NTRK3: variants seen among roughly 807,000 people sequenced by gnomAD.
NTRK3 encodes the protein neurotrophic receptor tyrosine kinase 3.
A neutral mutation model predicts 91.7 loss-of-function variants in NTRK3; 24 were observed. The observed-to-expected ratio is 0.26, with a 90% confidence interval of 0.19 to 0.37. NTRK3 has a LOEUF of 0.37. NTRK3 is among the 10% of genes least tolerant of loss of function. The probability of loss-of-function intolerance (pLI) is 1.00; values close to 1 mark genes in which losing one functional copy is unlikely to be tolerated. For synonymous variants in NTRK3, 483 were observed against 404.0 expected (o/e 1.20, Z -2.34); for missense variants, 880 against 1,068.9 (o/e 0.82, Z 2.46).
At chr15:87,874,345 C>T (rs1013128976) in exon 19 of NTRK3, 2 of 104,998 alleles carry the variant, frequency 1.9e-5, no homozygotes, top group African/African-American at 5.1e-5. Context: ...AGAACATGAC[C>T]CCAAGATCAG....
chr15:88,210,978 A>G (rs1337137882), intron 3 of NTRK3, among the ~76,000 whole-genome samples: 1 of 152,154 alleles, frequency 6.6e-6, no homozygotes, highest in African/African-American at 2.4e-5. Flanking sequence ...TGGCATTTAT[A>G]TACTCCACTC....
chr15:88,199,663 CCTT>C (rs1170594316), intron 3 of NTRK3, among the ~76,000 whole-genome samples: 4 of 152,234 alleles, frequency 2.6e-5, no homozygotes, highest in African/African-American at 9.7e-5. Flanking sequence ...CTGGGACTGA[CCTT>C]CTGCGCTGCA....
rs574779275 is a variant in NTRK3 at position 88,080,184 on chromosome 15, T to C, written c.1396+46087A>G. On this transcript the variant is annotated intron_variant, in intron 13 of 18. Transcript: ENST00000394480. ...ATACACAACCTTGTATGTGAACTTT[T>C]GTGGCCATCTCTGATTATTTCCTTA... Among the ~76,000 whole-genome samples, 25 of 152,356 alleles carry C rather than the reference T, an allele frequency of 1.6e-4. No individual in the cohort carries two copies. In the South Asian group the frequency reaches 5.2e-3, roughly 32 times the overall value.
At chr15:88,005,300 G>A (rs1485946453) in intron 14 of NTRK3, among the ~76,000 whole-genome samples, 1 of 152,098 alleles carries the variant, frequency 6.6e-6, no homozygotes, top group African/African-American at 2.4e-5. Flanking sequence ...ACTTCTGATG[G>A]CCCCAGAGAA....
intron 13 of NTRK3, among the ~76,000 whole-genome samples, chr15:88,118,662 T>C (rs1485733787): frequency 6.6e-6 from 1 of 152,264 alleles, no homozygotes; most frequent in African/African-American, 2.4e-5. Context: ...CTAACTCATC[T>C]TCTGTTATAG....
At chr15:88,219,374 G>A (rs1207568571) in intron 3 of NTRK3, among the ~76,000 whole-genome samples, 1 of 152,264 alleles carries the variant, frequency 6.6e-6, no homozygotes, top group African/African-American at 2.4e-5. Flanking sequence ...GCCAAGAGGA[G>A]AAGTCCCAGC....
chr15:88,205,411 C>T (rs1329728992), intron 3 of NTRK3, among the ~76,000 whole-genome samples: 1 of 152,190 alleles, frequency 6.6e-6, no homozygotes, highest in Non-Finnish European at 1.5e-5. Context: ...AAGCATCTCC[C>T]CAAGGTCCCA....
chr15:87,914,480 G>A (rs1487150205), intron 17 of NTRK3, among the ~76,000 whole-genome samples: 2 of 152,208 alleles, frequency 1.3e-5, no homozygotes, highest in Non-Finnish European at 2.9e-5. Context: ...CATGTAAGAA[G>A]ATTTAGGCAA....
intron 17 of NTRK3, among the ~76,000 whole-genome samples, chr15:87,904,403 G>A (rs554243841): frequency 5.3e-5 from 8 of 152,068 alleles, no homozygotes; most frequent in East Asian, 1.9e-4. Flanking sequence ...TGATCCATCC[G>A]CCTCGGCCTC....
At chr15:88,220,818 T>G (rs1250324161) in intron 3 of NTRK3, among the ~76,000 whole-genome samples, 1 of 152,060 alleles carries the variant, frequency 6.6e-6, no homozygotes, top group Non-Finnish European at 1.5e-5. Flanking sequence ...TCAAGCCACT[T>G]GAAATAGGAC....
intron 5 of NTRK3, among the ~76,000 whole-genome samples, chr15:88,167,387 GC>G (rs1314622523): frequency 6.6e-6 from 1 of 151,772 alleles, no homozygotes. Flanking sequence ...ATAGGAAACA[GC>G]CCAGTATAGC....
chr15:88,173,059 T>C (rs1239185688), intron 5 of NTRK3, among the ~76,000 whole-genome samples: 1 of 152,052 alleles, frequency 6.6e-6, no homozygotes, highest in Non-Finnish European at 1.5e-5. Flanking sequence ...GCAAAACACA[T>C]TTGGGGTTCA....
chr15:88,136,673 C>T lies in NTRK3; in HGVS notation c.623-64G>A, dbSNP rs565197517. On this transcript the variant is annotated intron_variant, in intron 7 of 18. Transcript: ENST00000394480. ...ACTTACTACCCAAAGGAAGCTCTGT[C>T]CATGGGGCTGATGGTGGCACTTCTT... 1.1e-5 allele frequency: 18 copies of T among 1,568,160 alleles called. No individual in the cohort carries two copies. The South Asian group carries it at 1.3e-4, about 11-fold the overall frequency.
intron 13 of NTRK3, among the ~76,000 whole-genome samples, chr15:88,115,216 G>A (rs772024487): frequency 1.5e-4 from 23 of 152,194 alleles, no homozygotes; most frequent in African/African-American, 2.2e-4. Flanking sequence ...TTCTGATAGC[G>A]CTTCTCCTCA....
intron 14 of NTRK3, among the ~76,000 whole-genome samples, chr15:88,025,420 C>A (rs558346417): frequency 3.3e-5 from 5 of 152,296 alleles, no homozygotes; most frequent in African/African-American, 1.2e-4. Context: ...GCCCTAACTC[C>A]CAGTGCCTTA....
chr15:87,937,671 A>G (rs2069424200), intron 15 of NTRK3, among the ~76,000 whole-genome samples: 3 of 152,202 alleles, frequency 2.0e-5, no homozygotes, highest in Non-Finnish European at 1.5e-5. Context: ...AAGATAAATC[A>G]ATTTTATTAG....
At chr15:87,995,771 T>C (rs2075645228) in intron 14 of NTRK3, among the ~76,000 whole-genome samples, 2 of 152,116 alleles carry the variant, frequency 1.3e-5, no homozygotes, top group African/African-American at 4.8e-5. Flanking sequence ...GGCCATACGG[T>C]CTCTGTTGCA....
chr15:87,884,867 GA>G (rs1315225128), intron 17 of NTRK3, among the ~76,000 whole-genome samples: 1 of 151,648 alleles, frequency 6.6e-6, no homozygotes, highest in African/African-American at 2.4e-5. Context: ...AAAACGTTAG[GA>G]AAATACAAAG....
chr15:88,061,195 AATTC>A (rs1360147417), intron 13 of NTRK3, among the ~76,000 whole-genome samples: 2 of 152,238 alleles, frequency 1.3e-5, no homozygotes, highest in African/African-American at 4.8e-5. Flanking sequence ...AAAAAACAAT[AATTC>A]ATTAGAGATG....
Sources: allele counts gnomAD v4.1 joint callset (sites outside exome capture counted in the v4.1 genomes callset), GRCh38; gene constraint gnomAD v4.1.1; transcripts MANE v1.5; gene names NCBI Gene and HGNC (gene_info 2026-07-23, HGNC 2026-07-21).